The following DHX30 variants were observed in gnomAD, a reference collection of about 807,000 sequenced individuals.
DHX30 encodes DExH-box helicase 30.
In DHX30, 4 loss-of-function variants were observed where a neutral mutation model predicts 116.9. That is an observed-to-expected ratio of 0.03 (90% CI 0.02 to 0.08). DHX30 has a LOEUF of 0.08. Among genes scored for constraint, DHX30 ranks in the 10% least tolerant of loss-of-function variants. The pLI is 1.00. For missense variants in DHX30, 871 were observed against 1,595.1 expected, an observed-to-expected ratio of 0.55 and a Z score of 7.73; for synonymous variants, 697 against 651.7, an observed-to-expected ratio of 1.07 and a Z score of -1.06.
chr3:47,839,252 T>TATTCCTAAC (rs1424235221), intron 6 of DHX30, among the ~76,000 whole-genome samples: 1 of 152,078 alleles, frequency 6.6e-6, no homozygotes, highest in Non-Finnish European at 1.5e-5. Context: ...CTCTAGAATG[T>TATTCCTAAC]ATTCCTAACA....
rs371363027 is a variant in DHX30 at position 47,849,646 on chromosome 3, C to T, written c.3208C>T (p.Arg1070Trp). The T allele has an allele frequency of 2.5e-6, 4 of 1,614,234 alleles. No individual in the cohort carries two copies. Among genetic ancestry groups the T allele is most frequent in the East Asian group, 2.2e-5 (1 of 44,884 alleles). ...STINREATRL[R>W]SRWLTYFMAV... Reference sequence around the variant, plus strand: ...GTTCCCTAGGGAGGCCACACGGTTACGGAGCCGATGGCTGACGTATTTCAT... The same window carrying T: ...GTTCCCTAGGGAGGCCACACGGTTATGGAGCCGATGGCTGACGTATTTCAT... Residue 1070 changes from arginine to tryptophan, a missense_variant, in exon 21 of 22, where the codon CGG (arginine) becomes TGG (tryptophan). Around this residue, in one of 13 missense-constraint regions of DHX30, gnomAD observed 238 missense variants for 481.0 expected, o/e 0.49. Transcript: ENST00000445061.
rs572855442 is a variant in DHX30, at chr3:47,847,186, C to T, written c.1930-87C>T. On this transcript the variant is annotated intron_variant, in intron 11 of 21. Coordinates refer to ENST00000445061, the MANE Select transcript of DHX30 (RefSeq NM_138615.3). This position sits in a 1 kb window ranked among gnomAD's most constrained non-coding sequence, Gnocchi z 5.5. The stretch of plus-strand genomic sequence containing the variant: ...GAGGATTGGAGTTGATGTCAAGCGG[C>T]TCCGTCTCACTGAGTCAGGTGGCTG... The T allele has an allele frequency of 5.1e-6, 8 of 1,561,162 alleles. No individual in the cohort carries two copies. The Admixed American group carries it at 1.3e-4, about 26-fold the overall frequency.
At chr3:47,835,092 C>T (rs2037042087) in intron 6 of DHX30, among the ~76,000 whole-genome samples, 1 of 152,012 alleles carries the variant, frequency 6.6e-6, no homozygotes, top group African/African-American at 2.4e-5. Flanking sequence ...CAGCCTCTGC[C>T]TCCTGGGTTC....
In DHX30 at chr3:47,850,186, C is replaced by A. The variant is rs898056308; in HGVS notation, c.*66C>A. ...TATTTAAAATAAAGTTCTATTTATC[C>A]CTTGTGACCACTGCTGTCCACTAGG... On this transcript the variant is annotated 3_prime_UTR_variant, in exon 22 of 22. Coordinates refer to ENST00000445061, the MANE Select transcript of DHX30 (RefSeq NM_138615.3). 6.8e-7 allele frequency: 1 copy of A among 1,479,576 alleles called. No homozygotes were observed. Among genetic ancestry groups the A allele is most frequent in the South Asian group, 1.3e-5 (1 of 74,944 alleles). 91.7% of individuals were successfully genotyped at this position (1,479,576 alleles called of 1,614,324 possible). A position where few individuals can be genotyped will look rare whatever the true frequency, so the allele number is the denominator to read the frequency against.
At position 47,845,795 on chromosome 3, in the gene DHX30, A is replaced by G. The variant is rs759703914; in HGVS notation, c.1035A>G (p.Pro345=). 2 of 1,611,792 alleles carry G rather than the reference A, an allele frequency of 1.2e-6. No homozygotes were observed. The highest frequency in any genetic ancestry group is 1.1e-5 in the South Asian group (1 of 91,016). ...AGCTGGGTGAGACCCAGCGCCGACC[A>G]TGCACCATCCAGGTGCCCGAGCCCA... ...LRELGETQRR[P]CTIQVPEPIL... is the part of the protein sequence containing the mutation. Residue 345 remains proline, a synonymous_variant, in exon 10 of 22, where the codon CCA becomes CCG. Transcript: ENST00000445061.
At position 47,845,595 on chromosome 3, in the gene DHX30, T is replaced by C. The variant is rs1407762086; in HGVS notation, c.940-105T>C. On this transcript the variant is annotated intron_variant, in intron 9 of 21. Transcript: ENST00000445061. ...ATGTCAGCCAAAATCCAAAATCTCTTAGAGATTACTTGGCACAACTTATGC... is the reference window on the plus strand; with the variant it reads ...ATGTCAGCCAAAATCCAAAATCTCTCAGAGATTACTTGGCACAACTTATGC... 3.0e-6 allele frequency: 4 copies of C among 1,320,126 alleles called. No individual in the cohort carries two copies. The East Asian group carries it at 7.7e-5, about 25-fold the overall frequency. 81.8% of individuals were successfully genotyped at this position (1,320,126 alleles called of 1,614,324 possible).
intron 8 of DHX30, chr3:47,842,806 A>C: frequency 3.5e-6 from 1 of 289,262 alleles, no homozygotes; most frequent in Non-Finnish European, 6.5e-6. Context: ...GCTTCAACCC[A>C]CAGCTGCCAC....
intron 3 of DHX30, among the ~76,000 whole-genome samples, chr3:47,815,329 A>G (rs920673752): frequency 6.6e-6 from 1 of 152,056 alleles, no homozygotes; most frequent in African/African-American, 2.4e-5. Context: ...AATACTGGAG[A>G]GCTATAGCCT....
At position 47,847,009 on chromosome 3, in the gene DHX30, A is replaced by T. The variant is rs1432960409; in HGVS notation, c.1929+8A>T. ...CGGCACCGGCACCATGAGGTGAGGG[A>T]CACCCCCATCCCACCCAAGGCTCCT... On this transcript the variant is annotated splice_region_variant and intron_variant, in intron 11 of 21. Transcript: ENST00000445061. The surrounding 1 kb of genome is among the most constrained non-coding windows in gnomAD (Gnocchi z 5.5). 2 of 1,604,858 alleles carry T rather than the reference A, an allele frequency of 1.2e-6. No individual in the cohort carries two copies. Among genetic ancestry groups the T allele is most frequent in the Non-Finnish European group, 1.7e-6 (2 of 1,175,160 alleles).
At chr3:47,818,993 G>C (rs1421610302) in intron 4 of DHX30, among the ~76,000 whole-genome samples, 2 of 152,156 alleles carry the variant, frequency 1.3e-5, no homozygotes, top group Non-Finnish European at 2.9e-5. Context: ...AAGAGCTCAG[G>C]AGGAGTGTGG....
intron 2 of DHX30, among the ~76,000 whole-genome samples, chr3:47,810,086 T>G (rs1362533581): frequency 6.6e-6 from 1 of 152,206 alleles, no homozygotes; most frequent in Non-Finnish European, 1.5e-5. Flanking sequence ...TATGAAAAGC[T>G]TTTTATTCTG....
At chr3:47,812,807 G>T (rs946715428) in intron 3 of DHX30, among the ~76,000 whole-genome samples, 1 of 151,074 alleles carries the variant, frequency 6.6e-6, no homozygotes. Context: ...GGGACTACAG[G>T]CGTGTGCCAC....
In DHX30 at chr3:47,849,439, C is replaced by G. The variant is rs775996180; in HGVS notation, c.3088-12C>G. On this transcript the variant is annotated splice_polypyrimidine_tract_variant and intron_variant, in intron 19 of 21. Transcript: ENST00000445061. ...TGCTCAGCCCCACCCGTCTTTTCCT[C>G]CATCCCTGCAGGTGAGGCAGGGCAA... The G allele has an allele frequency of 1.3e-6, 2 of 1,570,608 alleles. No homozygotes were observed. The highest frequency in any genetic ancestry group is 1.8e-5 in the Admixed American group (1 of 56,324).
intron 19 of DHX30, 31 bp downstream of exon 19, chr3:47,849,380 C>T (rs770608516): frequency 6.3e-7 from 1 of 1,595,322 alleles, no homozygotes; most frequent in Non-Finnish European, 8.6e-7. Context: ...TGGAGTTCAC[C>T]AGGTCCCAGC....
At position 47,846,311 on chromosome 3, in the gene DHX30, C is replaced by T; in HGVS notation, c.1239C>T (p.Leu413=). The T allele has an allele frequency of 1.2e-6, 2 of 1,614,212 alleles. No homozygotes were observed. Among genetic ancestry groups the T allele is most frequent in the South Asian group, 1.1e-5 (1 of 91,090 alleles). The part of the protein sequence containing the change: ...VPLLEAEEVR[L]SQSLLELWRR... ...TGTTGGAAGCAGAGGAGGTACGTCTCAGCCAGAGTCTGCTAGAACTGTGGC... is the reference window on the plus strand; with the variant it reads ...TGTTGGAAGCAGAGGAGGTACGTCTTAGCCAGAGTCTGCTAGAACTGTGGC... Residue 413 remains leucine (L), a synonymous_variant, in exon 11 of 22, where the codon CTC becomes CTT. Coordinates refer to ENST00000445061, the MANE Select transcript of DHX30 (RefSeq NM_138615.3).
intron 6 of DHX30, among the ~76,000 whole-genome samples, chr3:47,831,888 C>T (rs1454254677): frequency 7.2e-6 from 1 of 139,646 alleles, no homozygotes; most frequent in Non-Finnish European, 1.6e-5. Flanking sequence ...TTGTTGCACA[C>T]TTTAGGTATT....
chr3:47,818,185 G>C, intron 4 of DHX30, 68 bp downstream of exon 4: 2 of 737,158 alleles, frequency 2.7e-6, no homozygotes, highest in Non-Finnish European at 5.1e-6. Flanking sequence ...GTGGCAATGG[G>C]AGCCCTGGTG....
At chr3:47,815,914 A>G (rs2036031582) in intron 3 of DHX30, 10 of 984,122 alleles carry the variant, frequency 1.0e-5, no homozygotes, top group Middle Eastern at 5.2e-4. Flanking sequence ...TAATGAGATA[A>G]TAACTAATCA....
intron 21 of DHX30, 22 bp from the exon 22 acceptor site, chr3:47,849,845 A>C (rs1475187235): frequency 6.2e-7 from 1 of 1,610,490 alleles, no homozygotes. Context: ...ACAGTTCCCC[A>C]CCATCTTTTC....
Sources: allele counts gnomAD v4.1 joint callset (sites outside exome capture counted in the v4.1 genomes callset), GRCh38; gene constraint gnomAD v4.1.1; regional missense constraint gnomAD v4.1.1; non-coding constraint Gnocchi (gnomAD v3.1); transcripts MANE v1.5; gene names NCBI Gene and HGNC (gene_info 2026-07-23, HGNC 2026-07-21).